Variants in SNED1 observed in about 807,000 individuals in gnomAD.
The protein encoded by SNED1 is sushi, nidogen and EGF-like domain-containing protein 1.
In SNED1, 81 loss-of-function variants were observed where a neutral mutation model predicts 166.7. The ratio of observed to expected loss-of-function variants is 0.49; its 90% CI spans 0.41 to 0.58. The LOEUF (loss-of-function observed/expected upper bound fraction) is 0.58. Ranked by LOEUF, SNED1 falls within the 20% of genes least tolerant of loss-of-function variation. SNED1 has a pLI of 0.00. For synonymous variants in SNED1, 762 were observed against 822.0 expected (o/e 0.93, Z 1.25); for missense variants, 1,604 against 2,000.2 (o/e 0.80, Z 3.78).
At position 241,092,606 on chromosome 2, in the gene SNED1, C is replaced by T. The variant is rs948877923; in HGVS notation, c.*970C>T. 1.3e-5 allele frequency: 2 copies of T among 152,222 alleles called. No homozygotes were observed. The highest frequency in any genetic ancestry group is 2.1e-4 in the South Asian group (1 of 4,824). The allele number at this position is 152,222 out of a possible 1,614,324, so 9.4% of individuals were successfully genotyped here. A position where few individuals can be genotyped will look rare whatever the true frequency, so the allele number is the denominator to read the frequency against. On this transcript the variant is annotated 3_prime_UTR_variant, in exon 32 of 32. Transcript: ENST00000310397. The surrounding 1 kb of genome is among the most constrained non-coding windows in gnomAD (Gnocchi z 4.6). ...GCTATTCAGACCCCTGCTTGGAAAG[C>T]TAAGGCACACTGCCACGAAGCAGCA...
Position 241,069,773 on chromosome 2 carries a change from C to G in SNED1, c.3308-147C>G. On this transcript the variant is annotated intron_variant, in intron 23 of 31. Transcript: ENST00000310397. The surrounding 1 kb of genome is among the most constrained non-coding windows in gnomAD (Gnocchi z 4.9). ...ATTGTGCTGTACGTGCCAGCCCACA[C>G]CCCGCCTCGGCACTGTACCATTCTC... The G allele has an allele frequency of 1.1e-6, 1 of 918,934 alleles. No homozygotes were observed. The highest frequency in any genetic ancestry group is 1.6e-6 in the Non-Finnish European group (1 of 623,004). 56.9% of individuals were successfully genotyped at this position (918,934 alleles called of 1,614,324 possible). A position where few individuals can be genotyped will look rare whatever the true frequency, so the allele number is the denominator to read the frequency against.
In SNED1 at chr2:241,073,331, C is replaced by T. The variant is rs1305091882; in HGVS notation, c.3883C>T (p.Gln1295Ter). The change falls in exon 27 of 32, where the codon CAG (glutamine) becomes TAG (stop). Residue 1295 changes from glutamine (Q) to a stop codon, truncating the protein, a stop_gained. Coordinates refer to ENST00000310397, the MANE Select transcript of SNED1 (RefSeq NM_001080437.3). LOFTEE classifies it high-confidence loss of function. The surrounding 1 kb of genome is among the most constrained non-coding windows in gnomAD (Gnocchi z 6.6). ...EAPKRVSLAL[Q>*]LPEHGSKDIG... The stretch of plus-strand genomic sequence containing the variant: ...CCCCAAGCGGGTCAGCCTGGCCCTC[C>T]AGCTCCCTGAACACGGCAGCAAGGA... The T allele has an allele frequency of 1.3e-6, 2 of 1,574,290 alleles. No individual in the cohort carries two copies. Among genetic ancestry groups the T allele is most frequent in the African/African-American group, 1.4e-5 (1 of 74,054 alleles).
In SNED1 at chr2:241,051,770, C is replaced by A; in HGVS notation, c.1762C>A (p.Pro588Thr). 1 of 1,543,450 alleles carries A rather than the reference C, an allele frequency of 6.5e-7. No homozygotes were observed. Residue 588 changes from proline to threonine, a missense_variant, in exon 13 of 32, where the codon CCC becomes ACC. Transcript: ENST00000310397. This position sits in a 1 kb window ranked among gnomAD's most constrained non-coding sequence, Gnocchi z 4.7. The part of the protein sequence containing the change: ...KARPHLCSSG[P>T]CRNGGTCKEA... ...CCGGCCACACCTGTGCAGCTCAGGG[C>A]CCTGCCGGAACGGGGGCACGTGCAA...
At chr2:241,041,023 G>A (rs1048304064) in intron 8 of SNED1, 2 of 367,144 alleles carry the variant, frequency 5.4e-6, no homozygotes, top group African/African-American at 2.2e-5. Flanking sequence ...ACCAGGTGCT[G>A]CTTCTCTCCA....
chr2:241,049,795 A>G, intron 11 of SNED1, 22 bp from the exon 12 acceptor site: 2 of 1,588,776 alleles, frequency 1.3e-6, no homozygotes, highest in Non-Finnish European at 1.7e-6. Context: ...CTCCAGGACC[A>G]CCCTCTGTCC....
At position 241,095,060 on chromosome 2, in the gene SNED1, G is replaced by GCCCCC. The variant is rs10573691; in HGVS notation, c.*3435_*3439dup. ...CTCATTGAGTTCCCTAAGGTGACAC[G>GCCCCC]CCCCCCCCCCCCCCCACACCCACCT... On this transcript the variant is annotated 3_prime_UTR_variant, in exon 32 of 32. Transcript: ENST00000310397. 4 of 90,384 alleles carry GCCCCC rather than the reference G, an allele frequency of 4.4e-5. No individual in the cohort carries two copies. The highest frequency in any genetic ancestry group is 4.9e-4 in the South Asian group (1 of 2,056). 5.6% of individuals were successfully genotyped at this position (90,384 alleles called of 1,614,324 possible). A position where few individuals can be genotyped will look rare whatever the true frequency, so the allele number is the denominator to read the frequency against.
chr2:241,087,562 G>A, intron 30 of SNED1, 87 bp downstream of exon 30: 2 of 1,491,088 alleles, frequency 1.3e-6, no homozygotes, highest in Non-Finnish European at 1.8e-6. Context: ...GGATGCTGCA[G>A]GCCTGTGGGC....
At chr2:241,031,115 C>T (rs557276695) in intron 2 of SNED1, among the ~76,000 whole-genome samples, 5 of 152,196 alleles carry the variant, frequency 3.3e-5, no homozygotes, top group Non-Finnish European at 5.9e-5. Context: ...AGAAAAGAGG[C>T]GCTGGGTGCA....
In SNED1 at chr2:241,051,789, C is replaced by T. The variant is rs751414477; in HGVS notation, c.1781C>T (p.Thr594Met). 1.9e-5 allele frequency: 30 copies of T among 1,557,566 alleles called. No homozygotes were observed. Among genetic ancestry groups the T allele is most frequent in the Admixed American group, 1.5e-4 (8 of 51,818 alleles). ...TCAGGGCCCTGCCGGAACGGGGGCA[C>T]GTGCAAGGAGGCGGGCGGCGAGTAC... ...CSSGPCRNGG[T>M]CKEAGGEYHC... Residue 594 changes from threonine to methionine, a missense_variant, in exon 13 of 32, where the codon ACG becomes ATG. Coordinates refer to ENST00000310397, the MANE Select transcript of SNED1 (RefSeq NM_001080437.3). The surrounding 1 kb of genome is among the most constrained non-coding windows in gnomAD (Gnocchi z 4.7).
chr2:240,998,171 C>T (rs1020641339), upstream of SNED1, among the ~76,000 whole-genome samples: 4 of 152,386 alleles, frequency 2.6e-5, no homozygotes, highest in African/African-American at 7.2e-5. Flanking sequence ...CACACAGACC[C>T]AGGCAGGGAG....
At chr2:241,082,188 C>G in intron 28 of SNED1, 89 bp from the exon 29 acceptor site, 2 of 1,052,938 alleles carry the variant, frequency 1.9e-6, no homozygotes, top group Non-Finnish European at 2.9e-6. Flanking sequence ...TAAGGACCCC[C>G]GGGCCCTCTC....
Position 241,070,152 on chromosome 2 carries a change from G to A in SNED1, c.3540G>A (p.Thr1180=), listed in dbSNP as rs760651876. 72 of 1,608,450 alleles carry A rather than the reference G, an allele frequency of 4.5e-5. No individual in the cohort carries two copies. Among genetic ancestry groups the A allele is most frequent in the African/African-American group, 1.9e-4 (14 of 74,914 alleles). ...YQLSVIAVQS[T]ELGPQHSEPA... ...TCTCTGTGATAGCAGTGCAGAGCAC[G>A]GAGCTCGGGCCGCAGCACAGCGAGC... Residue 1180 remains threonine (T), a synonymous_variant, in exon 24 of 32, where the codon ACG becomes ACA. Transcript: ENST00000310397.
chr2:241,065,408 C>A lies in SNED1; in HGVS notation c.2823C>A (p.Tyr941Ter). 1.2e-6 allele frequency: 2 copies of A among 1,613,160 alleles called. No homozygotes were observed. The highest frequency in any genetic ancestry group is 2.2e-5 in the East Asian group (1 of 44,876). ...CCGCCAGGCAGATGCTTGATGGCTACGCGGTCACCTACGTCTCCTCCGACG... is the reference window on the plus strand; with the variant it reads ...CCGCCAGGCAGATGCTTGATGGCTAAGCGGTCACCTACGTCTCCTCCGACG... ...GPAARQMLDG[Y>*]AVTYVSSDGS... Residue 941 changes from tyrosine (Y) to a stop codon, truncating the protein, a stop_gained, in exon 21 of 32, where the codon TAC becomes TAA. Transcript: ENST00000310397. LOFTEE classifies it high-confidence loss of function.
chr2:241,036,151 T>C (rs1169267920), intron 4 of SNED1, among the ~76,000 whole-genome samples: 1 of 142,674 alleles, frequency 7.0e-6, no homozygotes, highest in Non-Finnish European at 1.5e-5. Context: ...CGCGCGCTCA[T>C]GGGAAGAGGA....
chr2:241,053,761 A>T lies in SNED1; in HGVS notation c.2257+435A>T, dbSNP rs141984666. Among the ~76,000 whole-genome samples, 1,220 of 152,298 alleles carry T rather than the reference A, an allele frequency of 8.0e-3. 18 individuals carry two copies. The highest frequency in any genetic ancestry group is 0.027 in the African/African-American group (1,124 of 41,542). Reference sequence around the variant, plus strand: ...AGGCATTTGAGGAGTGCTGCTCCAGAGAGCATTGCCACTGAGGTCCCACCC... The same window carrying T: ...AGGCATTTGAGGAGTGCTGCTCCAGTGAGCATTGCCACTGAGGTCCCACCC... On this transcript the variant is annotated intron_variant, in intron 16 of 31. Transcript: ENST00000310397.
intron 27 of SNED1, among the ~76,000 whole-genome samples, chr2:241,079,865 A>G (rs759616488): frequency 4.6e-5 from 7 of 152,236 alleles, no homozygotes; most frequent in Non-Finnish European, 7.3e-5. Flanking sequence ...TAATGTTAGT[A>G]GTAATACCTG....
At chr2:241,087,802 C>A (rs1483740628) in intron 30 of SNED1, 8 of 792,772 alleles carry the variant, frequency 1.0e-5, no homozygotes, top group Non-Finnish European at 1.4e-5. Context: ...GCCGATATAG[C>A]GCGTCGCTCT....
upstream of SNED1, among the ~76,000 whole-genome samples, chr2:240,998,114 C>A (rs899717099): frequency 6.6e-6 from 1 of 152,280 alleles, no homozygotes; most frequent in African/African-American, 2.4e-5. Flanking sequence ...CACGCAGATG[C>A]AAACACTTTG....
In SNED1 at chr2:241,069,840, A is replaced by G. The variant is rs540760671; in HGVS notation, c.3308-80A>G. On this transcript the variant is annotated intron_variant, in intron 23 of 31. Transcript: ENST00000310397. The surrounding 1 kb of genome is among the most constrained non-coding windows in gnomAD (Gnocchi z 4.9). ...GCTTCCAGCAAGGCTGCGGCAGCCC[A>G]TGTCCGGTTCTCAAACCGTGTTCTT... 2.4e-5 allele frequency: 36 copies of G among 1,507,848 alleles called. No homozygotes were observed. In the East Asian group the frequency reaches 4.5e-4, roughly 19 times the overall value. 93.4% of individuals were successfully genotyped at this position (1,507,848 alleles called of 1,614,324 possible).
Sources: allele counts gnomAD v4.1 joint callset (sites outside exome capture counted in the v4.1 genomes callset), GRCh38; gene constraint gnomAD v4.1.1; non-coding constraint Gnocchi (gnomAD v3.1); transcripts MANE v1.5; gene names NCBI Gene and HGNC (gene_info 2026-07-23, HGNC 2026-07-21).